Variants in PAFAH1B1 observed in about 807,000 individuals in gnomAD.
The protein encoded by PAFAH1B1 is platelet activating factor acetylhydrolase 1b regulatory subunit 1.
A neutral mutation model predicts 57.5 loss-of-function variants in PAFAH1B1; 2 were observed. The observed-to-expected ratio is 0.03, with a 90% CI of 0.01 to 0.11. The LOEUF is 0.11. Ranked by LOEUF, PAFAH1B1 falls within the 10% of genes least tolerant of loss-of-function variation. PAFAH1B1 has a pLI of 1.00. For synonymous variants in PAFAH1B1, 152 were observed against 169.6 expected, an observed-to-expected ratio of 0.90 and a Z score of 0.81; for missense variants, 257 against 512.0, an observed-to-expected ratio of 0.50 and a Z score of 4.81.
chr17:2,628,624 C>G (rs577237271), intron 1 of PAFAH1B1, among the ~76,000 whole-genome samples: 1 of 152,168 alleles, frequency 6.6e-6, no homozygotes, highest in Non-Finnish European at 1.5e-5. Flanking sequence ...GGGAGGGCTC[C>G]TTCTTTCTCT....
rs184478952 is a variant in PAFAH1B1 at position 2,604,203 on chromosome 17, A to G, written c.-191+10197A>G. On this transcript the variant is annotated intron_variant, in intron 1 of 10. Coordinates refer to ENST00000397195, the MANE Select transcript of PAFAH1B1 (RefSeq NM_000430.4). ...CAAGTGTGTGCCACCACACCCGGCT[A>G]ATTTTTGTATTTTTAGTAGAGATGG... is the stretch of plus-strand genomic sequence containing the variant. Among the ~76,000 whole-genome samples the G allele has an allele frequency of 3.9e-3, 588 of 151,364 alleles. 2 individuals are homozygous for G. Among genetic ancestry groups the G allele is most frequent in the African/African-American group, 0.014 (556 of 41,156 alleles).
At chr17:2,602,459 T>A (rs1676626538) in intron 1 of PAFAH1B1, among the ~76,000 whole-genome samples, 1 of 152,202 alleles carries the variant, frequency 6.6e-6, no homozygotes, top group South Asian at 2.1e-4. Context: ...TTGACTCTTC[T>A]TTCTTCCTCT....
chr17:2,661,532 G>C (rs766449936), intron 2 of PAFAH1B1, among the ~76,000 whole-genome samples: 1 of 152,078 alleles, frequency 6.6e-6, no homozygotes, highest in African/African-American at 2.4e-5. Flanking sequence ...TGTCTGTTTT[G>C]GTACCAGTAG....
At chr17:2,635,953 C>CAA (rs560825633) in intron 1 of PAFAH1B1, among the ~76,000 whole-genome samples, 104 of 70,868 alleles carry the variant, frequency 1.5e-3, no homozygotes, top group African/African-American at 4.8e-3. Flanking sequence ...TAGAAAAATA[C>CAA]AAAAAAAAAA....
At chr17:2,634,784 A>C (rs1310304149) in intron 1 of PAFAH1B1, among the ~76,000 whole-genome samples, 1 of 152,164 alleles carries the variant, frequency 6.6e-6, no homozygotes, top group Non-Finnish European at 1.5e-5. Context: ...CATCACCCGC[A>C]GGTGGCAATA....
chr17:2,610,124 A>C (rs1398986880), intron 1 of PAFAH1B1, among the ~76,000 whole-genome samples: 1 of 152,236 alleles, frequency 6.6e-6, no homozygotes, highest in Non-Finnish European at 1.5e-5. Context: ...GTGGCTGGCC[A>C]GTAATTTTGT....
chr17:2,598,906 A>G (rs2068111760), intron 1 of PAFAH1B1, among the ~76,000 whole-genome samples: 1 of 152,154 alleles, frequency 6.6e-6, no homozygotes, highest in South Asian at 2.1e-4. Flanking sequence ...TACATATGTA[A>G]TTTTTAACCT....
chr17:2,674,385 T>A, intron 8 of PAFAH1B1, 97 bp downstream of exon 8: 1 of 846,486 alleles, frequency 1.2e-6, no homozygotes, highest in Non-Finnish European at 2.0e-6. Flanking sequence ...TTAATGCATT[T>A]AAAAATCTGC....
chr17:2,681,470 T>G, intron 10 of PAFAH1B1: 1 of 397,220 alleles, frequency 2.5e-6, no homozygotes, highest in Non-Finnish European at 4.6e-6. Context: ...CTCAGTGTGA[T>G]GGAGGGTTGG....
intron 10 of PAFAH1B1, among the ~76,000 whole-genome samples, 188 bp downstream of exon 10, chr17:2,680,508 A>G (rs1175650768): frequency 1.3e-5 from 2 of 152,156 alleles, no homozygotes; most frequent in Non-Finnish European, 2.9e-5. Flanking sequence ...AACTCTTTCC[A>G]TCGTTAGCCT....
intron 1 of PAFAH1B1, among the ~76,000 whole-genome samples, chr17:2,604,125 C>T (rs1333842619): frequency 6.6e-6 from 1 of 151,942 alleles, no homozygotes; most frequent in African/African-American, 2.4e-5. Flanking sequence ...GCAACCTCCA[C>T]CTCCCAGGTT....
chr17:2,648,261 G>A (rs762218445), intron 2 of PAFAH1B1, among the ~76,000 whole-genome samples: 2 of 152,084 alleles, frequency 1.3e-5, no homozygotes, highest in African/African-American at 4.8e-5. Context: ...CTTCCACCGG[G>A]TCCCTCCCAC....
At chr17:2,649,809 G>A (rs144934291) in intron 2 of PAFAH1B1, among the ~76,000 whole-genome samples, 268 of 152,240 alleles carry the variant, frequency 1.8e-3, no homozygotes, top group African/African-American at 5.8e-3. Flanking sequence ...AAATGGGAAA[G>A]CACCTGAATC....
intron 9 of PAFAH1B1, among the ~76,000 whole-genome samples, chr17:2,678,990 C>T (rs1046137813): frequency 1.3e-5 from 2 of 152,166 alleles, no homozygotes; most frequent in South Asian, 2.1e-4. Flanking sequence ...GCTAGTGAGA[C>T]TGAAGAACTG....
chr17:2,606,038 A>G (rs1304261624), intron 1 of PAFAH1B1, among the ~76,000 whole-genome samples: 2 of 152,230 alleles, frequency 1.3e-5, no homozygotes, highest in Admixed American at 6.5e-5. Context: ...TGAGAGATAT[A>G]CAAAGCTAGA....
At chr17:2,675,939 A>T (rs1162303354) in intron 8 of PAFAH1B1, among the ~76,000 whole-genome samples, 1 of 152,236 alleles carries the variant, frequency 6.6e-6, no homozygotes, top group Non-Finnish European at 1.5e-5. Context: ...TGATTACAGA[A>T]ATCTTGAAAA....
chr17:2,667,690 G>T (rs1028692430), intron 5 of PAFAH1B1, among the ~76,000 whole-genome samples: 1 of 151,918 alleles, frequency 6.6e-6, no homozygotes, highest in African/African-American at 2.4e-5. Flanking sequence ...TACTGCAAAA[G>T]AATTCAGTAG....
chr17:2,673,468 T>A (rs1388203406), intron 7 of PAFAH1B1, among the ~76,000 whole-genome samples: 3 of 151,846 alleles, frequency 2.0e-5, no homozygotes, highest in Non-Finnish European at 2.9e-5. Flanking sequence ...TGAAACCCCG[T>A]CTCTACTAAA....
At chr17:2,634,983 T>C (rs1166666664) in intron 1 of PAFAH1B1, among the ~76,000 whole-genome samples, 1 of 151,984 alleles carries the variant, frequency 6.6e-6, no homozygotes, top group Non-Finnish European at 1.5e-5. Context: ...GCCAACATGG[T>C]GAAACCCCGT....
Sources: allele counts gnomAD v4.1 joint callset (sites outside exome capture counted in the v4.1 genomes callset), GRCh38; gene constraint gnomAD v4.1.1; transcripts MANE v1.5; gene names NCBI Gene and HGNC (gene_info 2026-07-23, HGNC 2026-07-21).